MAP2K5: variants seen among roughly 807,000 people sequenced by gnomAD.
The protein encoded by MAP2K5 is mitogen-activated protein kinase kinase 5.
A neutral mutation model predicts 83.1 loss-of-function variants in MAP2K5; 49 were observed. That is an observed-to-expected ratio of 0.59 (90% confidence interval 0.47 to 0.75). The LOEUF (loss-of-function observed/expected upper bound fraction) is 0.75, where lower values mean the gene tolerates loss of function less well. MAP2K5 is among the 30% of genes least tolerant of loss of function. The pLI, the probability that MAP2K5 is intolerant of heterozygous loss-of-function variation, is 0.00. For missense variants in MAP2K5, 457 were observed against 557.5 expected (o/e 0.82, Z 1.82); for synonymous variants, 202 against 191.8 (o/e 1.05, Z -0.44).
chr15:67,590,442 C>CTCTCTCTCTCTCT (rs2085377738), intron 6 of MAP2K5, among the ~76,000 whole-genome samples: 31 of 5,826 alleles, frequency 5.3e-3, no homozygotes, highest in African/African-American at 0.011. Context: ...TCTCTCCCTC[C>CTCTCTCTCTCTCT]CTCCCTCTCT....
In MAP2K5 at chr15:67,729,645, G is replaced by A. The variant is rs191132902; in HGVS notation, c.1074+1700G>A. On this transcript the variant is annotated intron_variant, in intron 17 of 21. Transcript: ENST00000178640. ...AAAAAAATTAGCCGGGCGTGGTGGC[G>A]GGCACCTGTAGTCCCTGCTGAGGCA... Among the ~76,000 whole-genome samples, 114 of 152,092 alleles carry A rather than the reference G, an allele frequency of 7.5e-4. 1 individual carries two copies. The highest frequency in any genetic ancestry group is 7.4e-3 in the East Asian group (38 of 5,170).
intron 16 of MAP2K5, among the ~76,000 whole-genome samples, chr15:67,721,694 T>G (rs1459653489): frequency 6.6e-6 from 1 of 152,182 alleles, no homozygotes; most frequent in Non-Finnish European, 1.5e-5. Context: ...TAATTCTGTT[T>G]GCGCTGAAGA....
At chr15:67,598,788 A>G (rs1291701514) in intron 7 of MAP2K5, among the ~76,000 whole-genome samples, 3 of 152,172 alleles carry the variant, frequency 2.0e-5, no homozygotes, top group African/African-American at 4.8e-5. Flanking sequence ...TATCTACTAC[A>G]TAGCAACTTC....
chr15:67,755,599 G>A lies in MAP2K5; in HGVS notation c.1134+6998G>A, dbSNP rs1269228287. Among the ~76,000 whole-genome samples, 2 of 152,138 alleles carry A rather than the reference G, an allele frequency of 1.3e-5. No homozygotes were observed. On this transcript the variant is annotated intron_variant, in intron 19 of 21. Transcript: ENST00000178640. The surrounding 1 kb of genome is among the most constrained non-coding windows in gnomAD (Gnocchi z 4.7). ...GTGAAGAGTCCATGTGAGGCCTCTT[G>A]TGAGTCCAGATGTTTGGTGGGGTAG...
chr15:67,692,666 AT>A (rs2088145083), intron 14 of MAP2K5, 114 bp downstream of exon 14: 1 of 735,566 alleles, frequency 1.4e-6, no homozygotes, highest in Admixed American at 2.5e-5. Flanking sequence ...GAAACTCTGC[AT>A]CTTTTCCTCA....
At chr15:67,795,029 TCTC>T (rs2090581795) in intron 21 of MAP2K5, among the ~76,000 whole-genome samples, 1 of 152,232 alleles carries the variant, frequency 6.6e-6, no homozygotes, top group African/African-American at 2.4e-5. Flanking sequence ...CATTATCACT[TCTC>T]CACTTCTCAT....
chr15:67,729,221 A>G (rs1444857542), intron 17 of MAP2K5, among the ~76,000 whole-genome samples: 2 of 152,188 alleles, frequency 1.3e-5, no homozygotes, highest in African/African-American at 4.8e-5. Flanking sequence ...GCTCATTAGA[A>G]TATTTATCTT....
At chr15:67,743,446 A>G (rs116804432) in intron 17 of MAP2K5, among the ~76,000 whole-genome samples, 2,889 of 152,302 alleles carry the variant, frequency 0.019, 108 homozygotes, top group African/African-American at 0.066. Context: ...TGGAAGTAGT[A>G]TATATTATCC....
intron 21 of MAP2K5, among the ~76,000 whole-genome samples, chr15:67,792,332 C>A (rs907880962): frequency 2.0e-5 from 3 of 152,030 alleles, no homozygotes; most frequent in African/African-American, 7.2e-5. Context: ...TAGACTAAAC[C>A]TTTTATTTTT....
At chr15:67,697,734 A>G (rs2088302346) in intron 15 of MAP2K5, among the ~76,000 whole-genome samples, 2 of 152,240 alleles carry the variant, frequency 1.3e-5, no homozygotes, top group Non-Finnish European at 1.5e-5. Flanking sequence ...AATTACCCAA[A>G]TACAGCCAGC....
intron 14 of MAP2K5, 41 bp downstream of exon 14, chr15:67,692,593 C>A: frequency 1.4e-6 from 2 of 1,452,004 alleles, no homozygotes; most frequent in Non-Finnish European, 9.7e-7. Flanking sequence ...TTCTCTGCAA[C>A]AACCCCTTTA....
rs1360008309 is a variant in MAP2K5, at chr15:67,786,015, G to GT, written c.1242+13265dup. Among the ~76,000 whole-genome samples, 3 of 103,108 alleles carry GT rather than the reference G, an allele frequency of 2.9e-5. No individual in the cohort carries two copies. Among genetic ancestry groups the GT allele is most frequent in the East Asian group, 1.2e-3 (2 of 1,708 alleles). 67.6% of individuals were successfully genotyped at this position (103,108 alleles called of 152,430 possible). On this transcript the variant is annotated intron_variant, in intron 21 of 21. Coordinates refer to ENST00000178640, the MANE Select transcript of MAP2K5 (RefSeq NM_145160.3). The surrounding 1 kb of genome is among the most constrained non-coding windows in gnomAD (Gnocchi z 4.7). ...TTCACAGGGGGCTTTTAGCTGTTAG[G>GT]TTGTTTTTTTTTTTTTAACTTACAG...
chr15:67,596,942 C>T (rs758359890), intron 7 of MAP2K5, among the ~76,000 whole-genome samples: 15 of 152,154 alleles, frequency 9.9e-5, no homozygotes, highest in African/African-American at 3.4e-4. Context: ...GAGGCCGAGT[C>T]GGGCGGATCA....
At chr15:67,673,880 A>G (rs1238218551) in intron 13 of MAP2K5, among the ~76,000 whole-genome samples, 1 of 151,884 alleles carries the variant, frequency 6.6e-6, no homozygotes, top group Non-Finnish European at 1.5e-5. Flanking sequence ...ACAGAGTCTC[A>G]CTCTGCCGCC....
chr15:67,774,142 C>T lies in MAP2K5; in HGVS notation c.1242+1390C>T, dbSNP rs2090193529. Among the ~76,000 whole-genome samples, 1 of 148,362 alleles carries T rather than the reference C, an allele frequency of 6.7e-6. No individual in the cohort carries two copies. Among genetic ancestry groups the T allele is most frequent in the South Asian group, 2.2e-4 (1 of 4,574 alleles). ...GGCTAAAGGGTGAGTACTTTCAGTGCCTTGAAAGCAAGTGATGTGTGTGTA... is the reference window on the plus strand; with the variant it reads ...GGCTAAAGGGTGAGTACTTTCAGTGTCTTGAAAGCAAGTGATGTGTGTGTA... On this transcript the variant is annotated intron_variant, in intron 21 of 21. Coordinates refer to ENST00000178640, the MANE Select transcript of MAP2K5 (RefSeq NM_145160.3). This position sits in a 1 kb window ranked among gnomAD's most constrained non-coding sequence, Gnocchi z 4.9.
rs11630854 is a variant in MAP2K5 at position 67,565,778 on chromosome 15, A to T, written c.252+2428A>T. On this transcript the variant is annotated intron_variant, in intron 3 of 21. Transcript: ENST00000178640. The surrounding 1 kb of genome is among the most constrained non-coding windows in gnomAD (Gnocchi z 4.1). ...ATCTATCTCATTGATGAGATAATTT[A>T]AAAAAATTTTTTGTAGAGATAGGGT... Among the ~76,000 whole-genome samples, 66,018 of 151,892 alleles carry T rather than the reference A, an allele frequency of 0.43. 15,176 individuals are homozygous for T. Among genetic ancestry groups the T allele is most frequent in the Non-Finnish European group, 0.51 (34,986 of 67,940 alleles).
At chr15:67,743,045 G>A (rs1021482026) in intron 17 of MAP2K5, among the ~76,000 whole-genome samples, 12 of 152,228 alleles carry the variant, frequency 7.9e-5, no homozygotes, top group African/African-American at 2.9e-4. Flanking sequence ...ATTTATGGCT[G>A]TGATGATTTT....
rs1023908884 is a variant in MAP2K5 at position 67,668,094 on chromosome 15, C to T, written c.847+3449C>T. Among the ~76,000 whole-genome samples the T allele has an allele frequency of 3.9e-5, 6 of 152,106 alleles. No individual in the cohort carries two copies. The highest frequency in any genetic ancestry group is 5.9e-5 in the Non-Finnish European group (4 of 68,006). ...TGGATCATCAAATGTTATATTCAGT[C>T]AGGTGTTACTATTGTTTATTTTGCT... On this transcript the variant is annotated intron_variant, in intron 13 of 21. Coordinates refer to ENST00000178640, the MANE Select transcript of MAP2K5 (RefSeq NM_145160.3). This position sits in a 1 kb window ranked among gnomAD's most constrained non-coding sequence, Gnocchi z 4.0.
Position 67,563,466 on chromosome 15 carries a change from A to G in MAP2K5, c.252+116A>G, listed in dbSNP as rs1264269892. 3.0e-6 allele frequency: 4 copies of G among 1,322,716 alleles called. No homozygotes were observed. The highest frequency in any genetic ancestry group is 2.4e-5 in the East Asian group (1 of 41,832). 81.9% of individuals were successfully genotyped at this position (1,322,716 alleles called of 1,614,324 possible). A position where few individuals can be genotyped will look rare whatever the true frequency, so the allele number is the denominator to read the frequency against. On this transcript the variant is annotated intron_variant, in intron 3 of 21. Transcript: ENST00000178640. The surrounding 1 kb of genome is among the most constrained non-coding windows in gnomAD (Gnocchi z 4.5). ...TCACAGTTGTCATACATTTTTCTAT[A>G]TAATAGGTAAAGGTTTCAAGGATTT...
Sources: gnomAD v4.1 joint callset for allele counts (sites outside exome capture counted in the v4.1 genomes callset) on GRCh38, gnomAD v4.1.1 for gene constraint, Gnocchi (gnomAD v3.1) non-coding constraint, MANE v1.5 for transcripts, NCBI Gene and HGNC (gene_info 2026-07-23, HGNC 2026-07-21) for gene names.